Variants in MAGI2 observed in about 807,000 individuals in gnomAD.
MAGI2 encodes membrane associated guanylate kinase, WW and PDZ domain containing 2, also known as membrane-associated guanylate kinase, WW and PDZ domain-containing protein 2.
Under a neutral mutation model 133.3 loss-of-function variants are expected in MAGI2, and 35 were observed. The observed-to-expected ratio is 0.26, with a 90% CI of 0.20 to 0.35. The LOEUF is 0.35. Ranked by LOEUF, MAGI2 falls within the 10% of genes least tolerant of loss-of-function variation. The pLI, the probability that MAGI2 is intolerant of heterozygous loss-of-function variation, is 1.00. For synonymous variants in MAGI2, 729 were observed against 710.6 expected (o/e 1.03, Z -0.41); for missense variants, 1,636 against 1,863.4 (o/e 0.88, Z 2.25).
At chr7:78,245,121 C>T (rs1246609268) in intron 10 of MAGI2, among the ~76,000 whole-genome samples, 1 of 151,960 alleles carries the variant, frequency 6.6e-6, no homozygotes, top group African/African-American at 2.4e-5. Flanking sequence ...GCGTGTATGC[C>T]CCCAAATACA....
intron 10 of MAGI2, among the ~76,000 whole-genome samples, chr7:78,242,673 A>G (rs1348627673): frequency 6.6e-6 from 1 of 152,156 alleles, no homozygotes; most frequent in African/African-American, 2.4e-5. Flanking sequence ...TAACGTTTCT[A>G]TATTAGATCT....
intron 5 of MAGI2, among the ~76,000 whole-genome samples, chr7:78,495,190 G>T (rs1254990011): frequency 6.6e-6 from 1 of 152,122 alleles, no homozygotes; most frequent in Non-Finnish European, 1.5e-5. Context: ...GTATACACAT[G>T]CCATGGTGGT....
chr7:79,417,016 G>C (rs781060858), intron 1 of MAGI2, among the ~76,000 whole-genome samples: 1 of 151,924 alleles, frequency 6.6e-6, no homozygotes, highest in Admixed American at 6.6e-5. Context: ...ACAGGCATGA[G>C]CCACCATGCC....
intron 2 of MAGI2, among the ~76,000 whole-genome samples, chr7:78,821,111 A>C (rs1230981404): frequency 1.3e-5 from 2 of 152,058 alleles, no homozygotes; most frequent in African/African-American, 4.8e-5. Flanking sequence ...AGCAGATTTT[A>C]TGTGTGGTAT....
intron 16 of MAGI2, among the ~76,000 whole-genome samples, chr7:78,148,852 T>G (rs1823577434): frequency 6.6e-6 from 1 of 152,112 alleles, no homozygotes; most frequent in Non-Finnish European, 1.5e-5. Flanking sequence ...TCTTAATGTC[T>G]ATGCTAGGGG....
intron 1 of MAGI2, among the ~76,000 whole-genome samples, chr7:79,394,778 A>G (rs28409270): frequency 3.5e-4 from 53 of 152,202 alleles, no homozygotes; most frequent in African/African-American, 1.2e-3. Context: ...AATGTTTTTA[A>G]TGTTTCACTA....
rs373931563 is a variant in MAGI2, at chr7:79,172,045, C to A, written c.302-164839G>T. ...TAGTTTCTCCTTCTAAACCACCCAGCAGCTATTCAAAACTGTGATTCTTGT... is the reference window on the plus strand; with the variant it reads ...TAGTTTCTCCTTCTAAACCACCCAGAAGCTATTCAAAACTGTGATTCTTGT... On this transcript the variant is annotated intron_variant, in intron 1 of 21. Transcript: ENST00000354212. Among the ~76,000 whole-genome samples the A allele has an allele frequency of 4.6e-5, 7 of 151,898 alleles. No homozygotes were observed. The East Asian group carries it at 1.2e-3, about 26-fold the overall frequency.
chr7:79,032,346 G>A (rs1375857992), intron 1 of MAGI2, among the ~76,000 whole-genome samples: 5 of 151,796 alleles, frequency 3.3e-5, no homozygotes, highest in African/African-American at 7.3e-5. Context: ...GTGAAACCCC[G>A]TCTCTACTAA....
chr7:79,288,551 C>T (rs1406822003), intron 1 of MAGI2, among the ~76,000 whole-genome samples: 1 of 152,074 alleles, frequency 6.6e-6, no homozygotes. Flanking sequence ...GATTTCTGCA[C>T]ATACCTTTCA....
At chr7:79,117,975 A>G (rs1449895810) in intron 1 of MAGI2, among the ~76,000 whole-genome samples, 1 of 152,192 alleles carries the variant, frequency 6.6e-6, no homozygotes, top group Non-Finnish European at 1.5e-5. Context: ...GGTGTTCTCT[A>G]TTGTAAACTT....
intron 2 of MAGI2, among the ~76,000 whole-genome samples, chr7:78,766,311 C>A (rs1188851965): frequency 6.6e-6 from 1 of 152,112 alleles, no homozygotes; most frequent in Non-Finnish European, 1.5e-5. Flanking sequence ...CTTAAAGATG[C>A]CTGAACTGCT....
intron 2 of MAGI2, among the ~76,000 whole-genome samples, chr7:78,732,747 A>T (rs1329886539): frequency 6.6e-6 from 1 of 152,098 alleles, no homozygotes; most frequent in Non-Finnish European, 1.5e-5. Flanking sequence ...GATGGCAATG[A>T]TTATATAGCT....
At chr7:78,149,240 GCACAGTGCTAAC>G (rs1346040941) in intron 16 of MAGI2, among the ~76,000 whole-genome samples, 3 of 152,190 alleles carry the variant, frequency 2.0e-5, no homozygotes, top group Non-Finnish European at 4.4e-5. Context: ...AAGTTCTGCT[GCACAGTGCTAAC>G]CTAGAACCTT....
chr7:79,017,896 A>T (rs1162183668), intron 1 of MAGI2, among the ~76,000 whole-genome samples: 1 of 152,158 alleles, frequency 6.6e-6, no homozygotes, highest in African/African-American at 2.4e-5. Context: ...AAAAAACCAC[A>T]AGGAAAATAA....
At chr7:78,493,395 C>T (rs780400668) in intron 5 of MAGI2, among the ~76,000 whole-genome samples, 3 of 152,160 alleles carry the variant, frequency 2.0e-5, no homozygotes, top group Non-Finnish European at 4.4e-5. Flanking sequence ...CTCACTATCC[C>T]GTGTCATTTC....
intron 2 of MAGI2, among the ~76,000 whole-genome samples, chr7:78,675,096 T>C (rs552491552): frequency 6.6e-6 from 1 of 152,256 alleles, no homozygotes; most frequent in Middle Eastern, 3.4e-3. Context: ...AAATGTGATA[T>C]AGTAGTTACA....
chr7:78,521,353 C>T, intron 4 of MAGI2, 77 bp downstream of exon 4: 1 of 969,460 alleles, frequency 1.0e-6, no homozygotes, highest in Non-Finnish European at 1.6e-6. Flanking sequence ...ATATATCTTA[C>T]TGTGTATATG....
chr7:78,044,939 CGGGTGGATCACGAGGT>C (rs1811266459), intron 21 of MAGI2, among the ~76,000 whole-genome samples: 1 of 152,150 alleles, frequency 6.6e-6, no homozygotes, highest in Admixed American at 6.5e-5. Context: ...AAGGCCAAGG[CGGGTGGATCACGAGGT>C]CAAGAGATAG....
intron 1 of MAGI2, among the ~76,000 whole-genome samples, chr7:79,447,049 T>C (rs1848905308): frequency 6.6e-6 from 1 of 152,216 alleles, no homozygotes; most frequent in South Asian, 2.1e-4. Flanking sequence ...ACTTTTATTG[T>C]TTCTTCCAGA....
Sources: gnomAD v4.1 joint callset for allele counts (sites outside exome capture counted in the v4.1 genomes callset) on GRCh38, gnomAD v4.1.1 for gene constraint, MANE v1.5 for transcripts, NCBI Gene and HGNC (gene_info 2026-07-23, HGNC 2026-07-21) for gene names.